ZNF479: variants seen among roughly 807,000 people sequenced by gnomAD.
ZNF479 encodes zinc finger protein 479.
Under a neutral mutation model 14.7 loss-of-function variants are expected in ZNF479, and 15 were observed. That is an observed-to-expected ratio of 1.02 (90% confidence interval 0.68 to 1.57). The LOEUF (loss-of-function observed/expected upper bound fraction) is 1.57. ZNF479 is among the 40% of genes most tolerant of loss of function. The pLI is 0.00. For missense variants in ZNF479, 506 were observed against 615.1 expected (o/e 0.82, Z 1.88); for synonymous variants, 145 against 211.5 (o/e 0.69, Z 2.73).
Position 57,120,855 on chromosome 7 carries a change from C to A in ZNF479, c.560G>T (p.Cys187Phe). Reference protein sequence around the residue: ...TRYTGNKHFKCNKYGKSFCML... With the variant: ...TRYTGNKHFKFNKYGKSFCML... Reference sequence around the variant, plus strand: ...GCAAAATGATTTGCCATATTTGTTACATTTGAAATGTTTATTTCCAGTATA... The same window carrying A: ...GCAAAATGATTTGCCATATTTGTTAAATTTGAAATGTTTATTTCCAGTATA... Residue 187 changes from cysteine to phenylalanine, a missense_variant, in exon 4 of 4, where the codon TGT becomes TTT. Around this residue, in one of 3 missense-constraint regions of ZNF479, gnomAD observed 420 missense variants for 474.2 expected, o/e 0.89. Coordinates refer to ENST00000319636, the MANE Select transcript of ZNF479 (RefSeq NM_001370129.2). The A allele has an allele frequency of 6.2e-7, 1 of 1,613,858 alleles. No individual in the cohort carries two copies. The highest frequency in any genetic ancestry group is 8.5e-7 in the Non-Finnish European group (1 of 1,179,926).
Position 57,120,795 on chromosome 7 carries a change from T to G in ZNF479, c.620A>C (p.His207Pro), listed in dbSNP as rs1554400360. The G allele has an allele frequency of 1.9e-6, 3 of 1,612,044 alleles. No individual in the cohort carries two copies. The highest frequency in any genetic ancestry group is 1.7e-6 in the Non-Finnish European group (2 of 1,178,908). ...LSHLNQHQVI[H>P]TREKSYKCKE... ...GCATTTGTAGGACTTCTCCCTAGTA[T>G]GAATTACCTGATGTTGATTTAGGTG... The change falls in exon 4 of 4, where the codon CAT becomes CCT. Residue 207 changes from histidine to proline, a missense_variant. Transcript: ENST00000319636.
intron 1 of ZNF479, among the ~76,000 whole-genome samples, chr7:57,138,461 C>A (rs1786742525): frequency 6.6e-6 from 1 of 152,182 alleles, no homozygotes; most frequent in Non-Finnish European, 1.5e-5. Flanking sequence ...GAAGTCTTGA[C>A]TCTCATATGA....
At chr7:57,125,988 G>A (rs1786149243) in intron 3 of ZNF479, 30 bp downstream of exon 3, 1 of 1,597,540 alleles carries the variant, frequency 6.3e-7, no homozygotes. Flanking sequence ...CCTCTCATCT[G>A]TCTCATCTGC....
intron 1 of ZNF479, among the ~76,000 whole-genome samples, chr7:57,137,444 C>T (rs769300638): frequency 6.6e-6 from 1 of 151,946 alleles, no homozygotes; most frequent in Non-Finnish European, 1.5e-5. Flanking sequence ...CGATTACAGG[C>T]GTGAGCCACC....
At chr7:57,133,878 G>C (rs1033166531), upstream of ZNF479, among the ~76,000 whole-genome samples, 2 of 152,028 alleles carry the variant, frequency 1.3e-5, no homozygotes, top group Non-Finnish European at 2.9e-5. Context: ...AAAAAAGAAA[G>C]AAACAGGTGG....
chr7:57,119,222 C>T lies in ZNF479; in HGVS notation c.*618G>A, dbSNP rs1185788570. On this transcript the variant is annotated 3_prime_UTR_variant, in exon 4 of 4. Coordinates refer to ENST00000319636, the MANE Select transcript of ZNF479 (RefSeq NM_001370129.2). ...ATAATAAGGGTTCAAGACTAGTTAA[C>T]AGCTTTACCACATTCTTTGCTTTTG... Among the ~76,000 whole-genome samples, 3 of 152,132 alleles carry T rather than the reference C, an allele frequency of 2.0e-5. No homozygotes were observed. The highest frequency in any genetic ancestry group is 4.8e-5 in the African/African-American group (2 of 41,412).
intron 1 of ZNF479, among the ~76,000 whole-genome samples, chr7:57,131,290 C>T (rs187106976): frequency 2.8e-4 from 42 of 152,152 alleles, no homozygotes; most frequent in African/African-American, 8.7e-4. Flanking sequence ...CAGCTGGGTG[C>T]GGTGGCTCAC....
chr7:57,121,715 A>G (rs1317232633), intron 3 of ZNF479, among the ~76,000 whole-genome samples: 1 of 152,250 alleles, frequency 6.6e-6, no homozygotes, highest in Non-Finnish European at 1.5e-5. Flanking sequence ...AAGGAGCTGC[A>G]TTATAAAGAT....
chr7:57,132,248 C>T (rs1261921141), intron 1 of ZNF479, 38 bp downstream of exon 1: 1 of 1,613,968 alleles, frequency 6.2e-7, no homozygotes, highest in East Asian at 2.2e-5. Context: ...TCCAATCAGC[C>T]CCCACCCCTC....
chr7:57,127,183 T>C (rs1224910470), intron 1 of ZNF479, among the ~76,000 whole-genome samples: 1 of 151,872 alleles, frequency 6.6e-6, no homozygotes, highest in Non-Finnish European at 1.5e-5. Context: ...CCACCATGAC[T>C]GGCTAATTTT....
At chr7:57,121,609 A>C (rs1289353572) in intron 3 of ZNF479, among the ~76,000 whole-genome samples, 1 of 152,220 alleles carries the variant, frequency 6.6e-6, no homozygotes, top group Non-Finnish European at 1.5e-5. Context: ...TTAATTGAAA[A>C]ATAAATACAA....
At chr7:57,137,066 A>C (rs1006212906), upstream of ZNF479, among the ~76,000 whole-genome samples, 26 of 152,358 alleles carry the variant, frequency 1.7e-4, no homozygotes, top group African/African-American at 6.0e-4. Context: ...AGTGAAGTTC[A>C]AAAGTCAGAA....
At chr7:57,132,262 C>G (rs1583946927) in intron 1 of ZNF479, 24 bp downstream of exon 1, 1 of 1,613,942 alleles carries the variant, frequency 6.2e-7, no homozygotes, top group Admixed American at 1.7e-5. Flanking sequence ...ACCCCTCTCT[C>G]ACGATGACAG....
At chr7:57,129,063 G>A (rs1222044673) in intron 1 of ZNF479, among the ~76,000 whole-genome samples, 1 of 152,024 alleles carries the variant, frequency 6.6e-6, no homozygotes, top group Non-Finnish European at 1.5e-5. Context: ...AAAGATTTAA[G>A]AGCAATGAGA....
Position 57,120,963 on chromosome 7 carries a change from G to C in ZNF479, c.452C>G (p.Thr151Ser), listed in dbSNP as rs1258830898. The C allele has an allele frequency of 6.2e-7, 1 of 1,614,108 alleles. No homozygotes were observed. Among genetic ancestry groups the C allele is most frequent in the Non-Finnish European group, 8.5e-7 (1 of 1,180,012 alleles). The change falls in exon 4 of 4, where the codon ACT becomes AGT. Residue 151 changes from threonine to serine, a missense_variant. By Grantham distance (58) the Thr-to-Ser change is moderately conservative (BLOSUM62 1). Transcript: ENST00000319636. The part of the protein sequence containing the change: ...GYSEVNQCLS[T>S]TQNKIFQTHK... ...AGTCTGAAATATTTTGTTTTGGGTA[G>C]TTGACAAACATTGGTTAACTTCACT...
upstream of ZNF479, among the ~76,000 whole-genome samples, chr7:57,134,150 C>T (rs1389637748): frequency 6.6e-6 from 1 of 152,124 alleles, no homozygotes; most frequent in Non-Finnish European, 1.5e-5. Context: ...GGGGCTGAAA[C>T]CTACAGGACT....
intron 1 of ZNF479, among the ~76,000 whole-genome samples, chr7:57,128,166 T>C (rs1041977075): frequency 6.6e-6 from 1 of 152,152 alleles, no homozygotes; most frequent in African/African-American, 2.4e-5. Flanking sequence ...CTTGAACTCC[T>C]GACCTCACGT....
intron 3 of ZNF479, among the ~76,000 whole-genome samples, chr7:57,124,250 T>C (rs1372077057): frequency 1.3e-5 from 2 of 152,116 alleles, no homozygotes; most frequent in Non-Finnish European, 2.9e-5. Context: ...AATAACTATG[T>C]GGTACTCACA....
chr7:57,135,012 C>T (rs1479403597), upstream of ZNF479, among the ~76,000 whole-genome samples: 1 of 152,080 alleles, frequency 6.6e-6, no homozygotes, highest in Non-Finnish European at 1.5e-5. Context: ...GATCCAAGAA[C>T]CCAATCTTCG....
Sources: allele counts gnomAD v4.1 joint callset (sites outside exome capture counted in the v4.1 genomes callset), GRCh38; gene constraint gnomAD v4.1.1; regional missense constraint gnomAD v4.1.1; transcripts MANE v1.5; gene names NCBI Gene and HGNC (gene_info 2026-07-23, HGNC 2026-07-21).